The following MTUS2 variants were observed in gnomAD, a reference collection of about 807,000 sequenced individuals.
MTUS2 encodes microtubule-associated tumor suppressor candidate 2.
Under a neutral mutation model 114.1 loss-of-function variants are expected in MTUS2, and 40 were observed. The observed-to-expected ratio is 0.35, with a 90% CI of 0.27 to 0.46. The LOEUF (loss-of-function observed/expected upper bound fraction) is 0.46, where lower values mean the gene tolerates loss of function less well. MTUS2 is among the 20% of genes least tolerant of loss of function. The probability of loss-of-function intolerance (pLI) is 1.00; values close to 1 mark genes in which losing one functional copy is unlikely to be tolerated. For synonymous variants in MTUS2, 688 were observed against 672.0 expected (o/e 1.02, Z -0.37); for missense variants, 1,679 against 1,705.4 (o/e 0.98, Z 0.27).
chr13:29,184,007 A>G (rs372430722), intron 5 of MTUS2, among the ~76,000 whole-genome samples: 71 of 152,318 alleles, frequency 4.7e-4, no homozygotes, highest in African/African-American at 1.6e-3. Context: ...AGATTCAACA[A>G]TTAACATTGT....
intron 2 of MTUS2, among the ~76,000 whole-genome samples, chr13:28,863,469 T>A (rs1304120376): frequency 6.6e-6 from 1 of 152,172 alleles, no homozygotes; most frequent in Non-Finnish European, 1.5e-5. Flanking sequence ...GGCTGAGGAA[T>A]TCTGGCCTTA....
intron 2 of MTUS2, among the ~76,000 whole-genome samples, chr13:28,937,385 G>C (rs1330396067): frequency 6.6e-6 from 1 of 152,088 alleles, no homozygotes; most frequent in Non-Finnish European, 1.5e-5. Context: ...ATGGGCAGGG[G>C]ACAATTAAGG....
At chr13:28,867,225 C>G (rs570112816) in intron 2 of MTUS2, among the ~76,000 whole-genome samples, 5 of 152,206 alleles carry the variant, frequency 3.3e-5, no homozygotes, top group African/African-American at 1.2e-4. Flanking sequence ...GCAAATACTT[C>G]TATCATTCTT....
At chr13:29,317,605 A>AT (rs1317974651) in intron 6 of MTUS2, among the ~76,000 whole-genome samples, 1 of 35,610 alleles carries the variant, frequency 2.8e-5, no homozygotes, top group African/African-American at 7.1e-5. Flanking sequence ...CGCCCGGCTA[A>AT]TTTTTTGTAT....
intron 4 of MTUS2, among the ~76,000 whole-genome samples, chr13:29,082,320 C>G (rs1889480390): frequency 6.6e-6 from 1 of 152,006 alleles, no homozygotes; most frequent in South Asian, 2.1e-4. Flanking sequence ...GTTATGACGG[C>G]CTGAGCTGAC....
At chr13:29,307,826 G>A (rs1899546841) in intron 6 of MTUS2, 1 of 772,896 alleles carries the variant, frequency 1.3e-6, no homozygotes, top group African/African-American at 1.7e-5. Flanking sequence ...ACAAGAGGAA[G>A]AGAGAGGCCT....
intron 4 of MTUS2, among the ~76,000 whole-genome samples, chr13:29,036,491 T>C (rs1002745165): frequency 4.6e-5 from 7 of 152,192 alleles, no homozygotes; most frequent in Non-Finnish European, 1.0e-4. Context: ...TTCTATCAGA[T>C]TGGGGTGGAG....
intron 5 of MTUS2, among the ~76,000 whole-genome samples, chr13:29,240,314 G>A (rs1394136447): frequency 1.3e-5 from 2 of 152,092 alleles, no homozygotes; most frequent in African/African-American, 2.4e-5. Context: ...GTCCCCATAC[G>A]GGTAGAGTAT....
chr13:29,368,016 G>A (rs1468260609), intron 8 of MTUS2, among the ~76,000 whole-genome samples: 2 of 147,818 alleles, frequency 1.4e-5, no homozygotes, highest in Non-Finnish European at 3.0e-5. Flanking sequence ...TCGGCTCTCT[G>A]CAAGCTCCAC....
chr13:28,894,109 T>C (rs1335671851), intron 2 of MTUS2, among the ~76,000 whole-genome samples: 2 of 151,534 alleles, frequency 1.3e-5, no homozygotes, highest in East Asian at 3.9e-4. Flanking sequence ...ATGGACTGAA[T>C]TGTGTACCCA....
chr13:29,128,693 A>T (rs1891623227), intron 5 of MTUS2, among the ~76,000 whole-genome samples: 1 of 152,084 alleles, frequency 6.6e-6, no homozygotes, highest in African/African-American at 2.4e-5. Flanking sequence ...TTATCTTCTA[A>T]TCATTATTTA....
intron 7 of MTUS2, among the ~76,000 whole-genome samples, chr13:29,355,537 A>C (rs1869664655): frequency 6.6e-6 from 1 of 152,250 alleles, no homozygotes; most frequent in African/African-American, 2.4e-5. Context: ...TCAGAAGACC[A>C]ACAGCCAGGC....
Position 29,220,572 on chromosome 13 carries a change from C to G in MTUS2, c.2645-61132C>G, listed in dbSNP as rs568306267. Among the ~76,000 whole-genome samples, 224 of 152,258 alleles carry G rather than the reference C, an allele frequency of 1.5e-3. 1 individual carries two copies. The highest frequency in any genetic ancestry group is 5.0e-3 in the African/African-American group (209 of 41,548). ...GGAGTCCCAAGGAGAGGGAGAGGGA[C>G]AGGGAAGAGCCTGTCAATGGATCAG... On this transcript the variant is annotated intron_variant, in intron 5 of 15. Transcript: ENST00000612955.
At chr13:29,443,528 G>A (rs1566203539) in intron 9 of MTUS2, among the ~76,000 whole-genome samples, 1 of 152,230 alleles carries the variant, frequency 6.6e-6, no homozygotes, top group Admixed American at 6.5e-5. Context: ...CTGGAGGGAG[G>A]GCGGAAGGCC....
intron 4 of MTUS2, among the ~76,000 whole-genome samples, chr13:29,077,766 C>G (rs751973316): frequency 6.6e-6 from 1 of 152,306 alleles, no homozygotes; most frequent in East Asian, 1.9e-4. Flanking sequence ...CATTTACTTT[C>G]TTAACTTCTT....
rs149635841 is a variant in MTUS2 at position 29,307,662 on chromosome 13, C to T, written c.2807-16951C>T. The T allele has an allele frequency of 1.9e-4, 220 of 1,141,092 alleles. 2 individuals are homozygous for T. In the African/African-American group the frequency reaches 2.7e-3, roughly 14 times the overall value. The allele number at this position is 1,141,092 out of a possible 1,614,324, so 70.7% of individuals were successfully genotyped here. ...ACAGCGACACCCACTCTTCCACCTT[C>T]GACGCTGGGGCTAGCATTGCCCTCA... On this transcript the variant is annotated intron_variant, in intron 6 of 15. Coordinates refer to ENST00000612955, the MANE Select transcript of MTUS2 (RefSeq NM_001033602.4).
intron 5 of MTUS2, among the ~76,000 whole-genome samples, chr13:29,250,746 A>G (rs759543925): frequency 1.2e-4 from 19 of 152,126 alleles, no homozygotes; most frequent in Admixed American, 7.2e-4. Context: ...GTCTCTCAGG[A>G]TAAACTGCTT....
chr13:28,840,069 A>G (rs1875370209), intron 2 of MTUS2, among the ~76,000 whole-genome samples: 2 of 150,540 alleles, frequency 1.3e-5, no homozygotes, highest in South Asian at 2.1e-4. Flanking sequence ...CTAGTTAGAT[A>G]TTGACTGAGT....
chr13:29,388,311 G>C (rs35581664), intron 8 of MTUS2, among the ~76,000 whole-genome samples: 27,950 of 151,742 alleles, frequency 0.18, 2,822 homozygotes, highest in Middle Eastern at 0.26. Context: ...TGTTGTCTTC[G>C]TACTTTTTTG....
Sources: gnomAD v4.1 joint callset for allele counts (sites outside exome capture counted in the v4.1 genomes callset) on GRCh38, gnomAD v4.1.1 for gene constraint, MANE v1.5 for transcripts, NCBI Gene and HGNC (gene_info 2026-07-23, HGNC 2026-07-21) for gene names.